The following TAFA1 variants were observed in gnomAD, a reference collection of about 807,000 sequenced individuals.
The protein encoded by TAFA1 is TAFA chemokine like family member 1.
Under a neutral mutation model 18.5 loss-of-function variants are expected in TAFA1, and 4 were observed. That is an observed-to-expected ratio of 0.22 (90% CI 0.11 to 0.49). The LOEUF is 0.49. Among genes scored for constraint, TAFA1 ranks in the 20% least tolerant of loss-of-function variants. The pLI is 0.98. For missense variants in TAFA1, 147 were observed against 169.0 expected, an observed-to-expected ratio of 0.87 and a Z score of 0.72; for synonymous variants, 56 against 55.2, an observed-to-expected ratio of 1.01 and a Z score of -0.06.
chr3:68,536,769 G>A (rs1407987294), intron 3 of TAFA1, among the ~76,000 whole-genome samples: 1 of 152,140 alleles, frequency 6.6e-6, no homozygotes, highest in African/African-American at 2.4e-5. Flanking sequence ...TTCATTGCCA[G>A]CTTCCTATTG....
chr3:68,439,665 T>C (rs561217163), intron 3 of TAFA1, among the ~76,000 whole-genome samples: 45 of 151,934 alleles, frequency 3.0e-4, no homozygotes, highest in Non-Finnish European at 5.6e-4. Flanking sequence ...CTGGCTGTGC[T>C]GGTAGCTGAT....
At chr3:68,277,767 A>G (rs542088475) in intron 2 of TAFA1, among the ~76,000 whole-genome samples, 3 of 152,200 alleles carry the variant, frequency 2.0e-5, no homozygotes, top group Admixed American at 6.6e-5. Context: ...GTCTAAGTGT[A>G]GAGAGATACG....
chr3:68,292,772 G>A (rs1029159336), intron 2 of TAFA1, among the ~76,000 whole-genome samples: 2 of 152,064 alleles, frequency 1.3e-5, no homozygotes, highest in African/African-American at 4.8e-5. Flanking sequence ...AGAAATTCTG[G>A]CTTCCAAGGA....
chr3:68,173,252 A>T (rs1247087619), intron 2 of TAFA1, among the ~76,000 whole-genome samples: 2 of 152,228 alleles, frequency 1.3e-5, no homozygotes, highest in African/African-American at 2.4e-5. Flanking sequence ...TGAAATATGT[A>T]CATTATTCAA....
At chr3:68,380,078 C>A (rs1304030962) in intron 2 of TAFA1, among the ~76,000 whole-genome samples, 1 of 152,060 alleles carries the variant, frequency 6.6e-6, no homozygotes, top group African/African-American at 2.4e-5. Context: ...TCATCCATGT[C>A]CCTACAAAGG....
chr3:68,079,963 T>C (rs2064875926), intron 2 of TAFA1, among the ~76,000 whole-genome samples: 2 of 151,912 alleles, frequency 1.3e-5, no homozygotes, highest in African/African-American at 4.8e-5. Context: ...TCTTTGTAGG[T>C]CACTCAGGAC....
intron 2 of TAFA1, among the ~76,000 whole-genome samples, chr3:68,228,280 G>A (rs2066828272): frequency 6.6e-6 from 1 of 152,068 alleles, no homozygotes; most frequent in Admixed American, 6.6e-5. Context: ...GTCTGGCTAT[G>A]CTGCCCAGGC....
chr3:68,495,194 A>C (rs1331970180), intron 3 of TAFA1, among the ~76,000 whole-genome samples: 1 of 152,212 alleles, frequency 6.6e-6, no homozygotes, highest in Admixed American at 6.5e-5. Context: ...GTTGAGCTGT[A>C]TACTTAGCAA....
intron 2 of TAFA1, among the ~76,000 whole-genome samples, chr3:68,120,229 CTTTCTTTCTTTCTTTCT>C: frequency 8.3e-6 from 1 of 120,956 alleles, no homozygotes; most frequent in Non-Finnish European, 1.7e-5. Flanking sequence ...TTCTTTCTTT[CTTTCTTTCTTTCTTTCT>C]TTCTTTCTTT....
At chr3:68,414,070 C>T (rs190243022) in intron 2 of TAFA1, among the ~76,000 whole-genome samples, 82 of 152,124 alleles carry the variant, frequency 5.4e-4, no homozygotes, top group Non-Finnish European at 9.6e-4. Context: ...TCTGGGAGGC[C>T]GAGACGGGTG....
chr3:68,093,302 C>G (rs982166771), intron 2 of TAFA1, among the ~76,000 whole-genome samples: 3 of 152,086 alleles, frequency 2.0e-5, no homozygotes, highest in Non-Finnish European at 4.4e-5. Flanking sequence ...GGCTTTCCTT[C>G]CTACTTCCTC....
intron 2 of TAFA1, among the ~76,000 whole-genome samples, chr3:68,153,856 A>G (rs1191877722): frequency 1.3e-5 from 2 of 152,088 alleles, no homozygotes; most frequent in East Asian, 3.9e-4. Flanking sequence ...CTGCGTGAAA[A>G]GTTCAGTTTT....
intron 2 of TAFA1, among the ~76,000 whole-genome samples, chr3:68,203,059 T>G (rs1370101381): frequency 1.3e-5 from 2 of 151,674 alleles, no homozygotes; most frequent in Non-Finnish European, 2.9e-5. Context: ...AAAGAATAAT[T>G]TTGCAGACTA....
At chr3:68,343,700 T>A (rs2069121408) in intron 2 of TAFA1, among the ~76,000 whole-genome samples, 1 of 152,160 alleles carries the variant, frequency 6.6e-6, no homozygotes, top group African/African-American at 2.4e-5. Context: ...TGCCACATAT[T>A]TTTTTTATGT....
chr3:68,138,938 C>G (rs2106897689), intron 2 of TAFA1, among the ~76,000 whole-genome samples: 2 of 152,296 alleles, frequency 1.3e-5, no homozygotes, highest in African/African-American at 4.8e-5. Flanking sequence ...AACTGAGGCT[C>G]TATGGGCCTC....
intron 2 of TAFA1, among the ~76,000 whole-genome samples, chr3:68,045,411 T>C (rs1042834594): frequency 3.3e-5 from 5 of 152,298 alleles, no homozygotes; most frequent in African/African-American, 1.2e-4. Context: ...CAGGAAGAGC[T>C]GAAGGACTGG....
intron 2 of TAFA1, among the ~76,000 whole-genome samples, chr3:68,022,419 T>A (rs1007515671): frequency 6.6e-6 from 1 of 152,178 alleles, no homozygotes; most frequent in Admixed American, 6.5e-5. Flanking sequence ...CTTTCTACTA[T>A]GGCCCCTGGG....
At chr3:68,211,189 G>T (rs937015313) in intron 2 of TAFA1, among the ~76,000 whole-genome samples, 20 of 152,118 alleles carry the variant, frequency 1.3e-4, no homozygotes, top group Admixed American at 1.3e-3. Flanking sequence ...GGCTATGCAG[G>T]TTAGTTTCAT....
chr3:68,035,710 T>G (rs1041012776), intron 2 of TAFA1, among the ~76,000 whole-genome samples: 6 of 152,066 alleles, frequency 3.9e-5, no homozygotes, highest in Non-Finnish European at 5.9e-5. Flanking sequence ...CAACTTATGT[T>G]CACACAAAAA....
Sources: gnomAD v4.1 joint callset for allele counts (sites outside exome capture counted in the v4.1 genomes callset) on GRCh38, gnomAD v4.1.1 for gene constraint, MANE v1.5 for transcripts, NCBI Gene and HGNC (gene_info 2026-07-23, HGNC 2026-07-21) for gene names.